PURG: variants seen among roughly 807,000 people sequenced by gnomAD.
PURG encodes the protein purine rich element binding protein G.
In PURG, 3 loss-of-function variants were observed where a neutral mutation model predicts 24.3. The ratio of observed to expected loss-of-function variants is 0.12; its 90% CI spans 0.06 to 0.32. The LOEUF is 0.32. Ranked by LOEUF, PURG falls within the 10% of genes least tolerant of loss-of-function variation. PURG has a pLI of 1.00. For missense variants in PURG, 371 were observed against 439.1 expected (o/e 0.84, Z 1.39); for synonymous variants, 180 against 173.1 (o/e 1.04, Z -0.31).
Position 31,020,727 on chromosome 8 carries a change from A to C in PURG, c.864+11192T>G, listed in dbSNP as rs535898265. 9.3e-4 allele frequency among the ~76,000 whole-genome samples: 142 copies of C among 152,332 alleles called. 2 individuals are homozygous for C. The highest frequency in any genetic ancestry group is 3.2e-3 in the African/African-American group (131 of 41,584). On this transcript the variant is annotated intron_variant, in intron 1 of 1. Transcript: ENST00000339382. The stretch of plus-strand genomic sequence containing the variant: ...CAAGGCAGAAGAAGGAGTAGCTCTC[A>C]GTCTTCTTTCTACCCAGATACCCTA...
Position 31,032,293 on chromosome 8 carries a change from C to T in PURG, c.490G>A (p.Glu164Lys), listed in dbSNP as rs145712973. 3.7e-6 allele frequency: 6 copies of T among 1,612,866 alleles called. No individual in the cohort carries two copies. Among genetic ancestry groups the T allele is most frequent in the Non-Finnish European group, 4.2e-6 (5 of 1,180,026 alleles). ...APSPPVSVGSEEHPHSVLKTD... is the reference protein window; with the variant it reads ...APSPPVSVGSKEHPHSVLKTD... ...TTCAGGACACTGTGAGGATGCTCTT[C>T]GGACCCCACCGAGACTGGTGGGGAG... The change falls in exon 2 of 2, where the codon GAA becomes AAA. Residue 164 changes from glutamate to lysine, a missense_variant. By Grantham distance (56) the Glu-to-Lys change is moderately conservative. Coordinates refer to ENST00000523392, the MANE Select transcript of PURG (RefSeq NM_001323311.2). This position sits in a 1 kb window ranked among gnomAD's most constrained non-coding sequence, Gnocchi z 5.9.
downstream of PURG, among the ~76,000 whole-genome samples, chr8:31,026,300 C>T (rs1017994908): frequency 1.3e-5 from 2 of 151,396 alleles, no homozygotes; most frequent in Admixed American, 1.3e-4. Context: ...TCCTGAAGTG[C>T]ACTACTTCAG....
At chr8:31,007,220 T>A (rs1435110910) in intron 1 of PURG, among the ~76,000 whole-genome samples, 1 of 152,130 alleles carries the variant, frequency 6.6e-6, no homozygotes, top group East Asian at 1.9e-4. Flanking sequence ...GAAAATAGAG[T>A]TCTAAGAGCT....
At chr8:30,998,659 C>T (rs964864044) in intron 1 of PURG, among the ~76,000 whole-genome samples, 3 of 151,726 alleles carry the variant, frequency 2.0e-5, no homozygotes, top group South Asian at 4.1e-4. Flanking sequence ...GTGGGGAAAG[C>T]GAAGGATGTA....
intron 1 of PURG, among the ~76,000 whole-genome samples, chr8:31,016,979 A>G (rs1278512432): frequency 1.3e-5 from 2 of 152,186 alleles, no homozygotes; most frequent in East Asian, 3.9e-4. Flanking sequence ...AGAGATGATC[A>G]AAAGAAAAAA....
chr8:31,032,851 C>A lies in PURG; in HGVS notation c.-6-63G>T, dbSNP rs1355876601. On this transcript the variant is annotated intron_variant, in intron 1 of 1. Transcript: ENST00000523392. The surrounding 1 kb of genome is among the most constrained non-coding windows in gnomAD (Gnocchi z 5.9). ...GAGGGGTGTTGAGAACAATCGCAGA[C>A]GCCCCTCGGCCTGACCGCCCCGCCG... 4 of 1,216,434 alleles carry A rather than the reference C, an allele frequency of 3.3e-6. No homozygotes were observed. The East Asian group carries it at 9.0e-5, about 27-fold the overall frequency. 75.4% of individuals were successfully genotyped at this position (1,216,434 alleles called of 1,614,324 possible). A position where few individuals can be genotyped will look rare whatever the true frequency, so the allele number is the denominator to read the frequency against.
At chr8:31,026,247 G>A (rs527340824), downstream of PURG, among the ~76,000 whole-genome samples, 6 of 151,676 alleles carry the variant, frequency 4.0e-5, no homozygotes, top group Non-Finnish European at 7.4e-5. Context: ...TAGGGAATAC[G>A]GTTTAAGATA....
intron 1 of PURG, among the ~76,000 whole-genome samples, chr8:31,019,102 T>C (rs573033724): frequency 0.011 from 1,107 of 96,748 alleles, 13 homozygotes; most frequent in Middle Eastern, 0.06. Context: ...CCAGCCTGGG[T>C]GACAGAGCGA....
chr8:30,996,814 T>A, intron 1 of PURG: 1 of 801,272 alleles, frequency 1.2e-6, no homozygotes, highest in Non-Finnish European at 1.9e-6. Context: ...TTAGAAAGCA[T>A]GTAACAAACC....
Position 31,033,091 on chromosome 8 carries a change from T to C in PURG, c.-20A>G. 2 of 209,870 alleles carry C rather than the reference T, an allele frequency of 9.5e-6. No individual in the cohort carries two copies. 13.0% of individuals were successfully genotyped at this position (209,870 alleles called of 1,614,324 possible). On this transcript the variant is annotated 5_prime_UTR_variant, in exon 1 of 2. It removes an upstream start codon present in the reference 5' UTR. Transcript: ENST00000523392. ...GCGGGCACTCACATCATCTCTGCCA[T>C]CACCGCCGCCGCCGATGCCCTTCAC...
At chr8:30,997,055 C>T (rs578022038) in intron 1 of PURG, among the ~76,000 whole-genome samples, 1 of 151,776 alleles carries the variant, frequency 6.6e-6, no homozygotes, top group African/African-American at 2.4e-5. Flanking sequence ...ATAACAGGGT[C>T]GTTTAGGAAA....
rs762707981 is a variant in PURG at position 31,032,366 on chromosome 8, G to A, written c.417C>T (p.Gly139=). The A allele has an allele frequency of 1.9e-6, 3 of 1,613,454 alleles. No homozygotes were observed. Among genetic ancestry groups the A allele is most frequent in the Non-Finnish European group, 2.5e-6 (3 of 1,180,022 alleles). Residue 139 remains glycine, a synonymous_variant, in exon 2 of 2, where the codon GGC becomes GGT. Coordinates refer to ENST00000523392, the MANE Select transcript of PURG (RefSeq NM_001323311.2). The surrounding 1 kb of genome is among the most constrained non-coding windows in gnomAD (Gnocchi z 5.9). ...TTCTGGAGCCTTGCTCTTTGCTGTG[G>A]CCATGCTCTTGCCGGTGGCCTTTCA... The part of the protein sequence containing the change: ...LGLKGHRQEH[G]HSKEQGSRRR...
intron 1 of PURG, among the ~76,000 whole-genome samples, chr8:31,018,884 T>TGTCTAAAATAAAATA (rs1810923921): frequency 6.6e-6 from 1 of 151,590 alleles, no homozygotes. Flanking sequence ...GGTTTTATTA[T>TGTCTAAAATAAAATA]TGGGAGGCTG....
At chr8:31,006,574 A>T (rs906218838) in intron 1 of PURG, among the ~76,000 whole-genome samples, 4 of 152,200 alleles carry the variant, frequency 2.6e-5, no homozygotes, top group African/African-American at 7.2e-5. Flanking sequence ...TCAGACAATT[A>T]TTTCTCTAAT....
At chr8:31,026,659 T>TATACAC (rs1811096017), downstream of PURG, among the ~76,000 whole-genome samples, 3 of 143,726 alleles carry the variant, frequency 2.1e-5, no homozygotes, top group South Asian at 6.6e-4. Context: ...TATATATATA[T>TATACAC]ATACATACAC....
At chr8:31,022,599 A>G (rs1811018018) in intron 1 of PURG, among the ~76,000 whole-genome samples, 1 of 152,226 alleles carries the variant, frequency 6.6e-6, no homozygotes, top group African/African-American at 2.4e-5. Context: ...GTGATAGTGA[A>G]AGAAATTAAT....
chr8:31,032,928 G>T lies in PURG; in HGVS notation c.-6-140C>A, dbSNP rs1308689814. The T allele has an allele frequency of 1.9e-4, 91 of 483,526 alleles. No individual in the cohort carries two copies. The highest frequency in any genetic ancestry group is 1.8e-3 in the African/African-American group (83 of 47,030). 30.0% of individuals were successfully genotyped at this position (483,526 alleles called of 1,614,324 possible). On this transcript the variant is annotated intron_variant, in intron 1 of 1. Coordinates refer to ENST00000523392, the MANE Select transcript of PURG (RefSeq NM_001323311.2). The surrounding 1 kb of genome is among the most constrained non-coding windows in gnomAD (Gnocchi z 5.9). ...GGCTCCCCCGGCGCCGCAGCGCGGG[G>T]CTCCAGCCACTGCCGGCCGGTTGGC...
downstream of PURG, among the ~76,000 whole-genome samples, chr8:31,026,665 T>TACAC (rs1811096429): frequency 2.8e-5 from 4 of 143,922 alleles, no homozygotes; most frequent in Non-Finnish European, 6.1e-5. Flanking sequence ...TATATATACA[T>TACAC]ACACATATAC....
intron 1 of PURG, among the ~76,000 whole-genome samples, chr8:31,019,018 G>A (rs1810927107): frequency 6.9e-6 from 1 of 145,934 alleles, no homozygotes; most frequent in Non-Finnish European, 1.5e-5. Context: ...CAGCTACTCG[G>A]GAGGCTGAGG....
Sources: allele counts gnomAD v4.1 joint callset (sites outside exome capture counted in the v4.1 genomes callset), GRCh38; gene constraint gnomAD v4.1.1; non-coding constraint Gnocchi (gnomAD v3.1); transcripts MANE v1.5; gene names NCBI Gene and HGNC (gene_info 2026-07-23, HGNC 2026-07-21).